Variants in HTR7 observed in about 807,000 individuals in gnomAD.
The protein encoded by HTR7 is 5-HT-7.
A neutral mutation model predicts 34.0 loss-of-function variants in HTR7; 16 were observed. The ratio of observed to expected loss-of-function variants is 0.47; its 90% confidence interval spans 0.32 to 0.71. The LOEUF (loss-of-function observed/expected upper bound fraction) is 0.71, where lower values mean the gene tolerates loss of function less well. HTR7 is among the 30% of genes least tolerant of loss of function. The pLI is 0.04. For synonymous variants in HTR7, 265 were observed against 260.2 expected (o/e 1.02, Z -0.18); for missense variants, 504 against 625.5 (o/e 0.81, Z 2.07).
At chr10:90,792,774 T>C (rs755743784) in intron 1 of HTR7, among the ~76,000 whole-genome samples, 1 of 152,142 alleles carries the variant, frequency 6.6e-6, no homozygotes, top group African/African-American at 2.4e-5. Flanking sequence ...AAAATGGATT[T>C]ATCAGAACTT....
chr10:90,808,565 T>C (rs556501675), intron 1 of HTR7, among the ~76,000 whole-genome samples: 1 of 151,362 alleles, frequency 6.6e-6, no homozygotes, highest in Non-Finnish European at 1.5e-5. Flanking sequence ...CTCTGCGCCC[T>C]GATCCCTTAT....
intron 1 of HTR7, among the ~76,000 whole-genome samples, chr10:90,773,531 C>A (rs2119821806): frequency 6.6e-6 from 1 of 152,266 alleles, no homozygotes; most frequent in East Asian, 1.9e-4. Flanking sequence ...TATACTCACC[C>A]TGTTGTACTA....
intron 1 of HTR7, among the ~76,000 whole-genome samples, chr10:90,803,497 C>A (rs1005544391): frequency 2.0e-5 from 3 of 152,180 alleles, no homozygotes; most frequent in African/African-American, 7.2e-5. Flanking sequence ...CCATTTGATG[C>A]ACAAGGTTGA....
chr10:90,777,701 G>A (rs1845241045), intron 1 of HTR7, among the ~76,000 whole-genome samples: 1 of 152,166 alleles, frequency 6.6e-6, no homozygotes, highest in Non-Finnish European at 1.5e-5. Flanking sequence ...AGGCTGGGAG[G>A]CAACTATCTC....
chr10:90,799,216 C>G (rs1213929980), intron 1 of HTR7, among the ~76,000 whole-genome samples: 1 of 152,142 alleles, frequency 6.6e-6, no homozygotes, highest in Non-Finnish European at 1.5e-5. Context: ...AATCAGACCT[C>G]CTTTGACTCA....
intron 1 of HTR7, among the ~76,000 whole-genome samples, chr10:90,825,930 G>T (rs1012714376): frequency 6.6e-6 from 1 of 152,130 alleles, no homozygotes; most frequent in African/African-American, 2.4e-5. Context: ...GAGAGATAGG[G>T]ATTGAAAGTT....
At chr10:90,850,686 A>G (rs1362286633) in intron 1 of HTR7, among the ~76,000 whole-genome samples, 3 of 152,238 alleles carry the variant, frequency 2.0e-5, no homozygotes, top group Non-Finnish European at 2.9e-5. Flanking sequence ...AAAAATCAGA[A>G]TCAGTTTAAA....
At chr10:90,802,788 T>C (rs973787730) in intron 1 of HTR7, among the ~76,000 whole-genome samples, 2 of 152,196 alleles carry the variant, frequency 1.3e-5, no homozygotes, top group Non-Finnish European at 2.9e-5. Flanking sequence ...TTCATGATCA[T>C]GGAATCAGTC....
chr10:90,762,120 A>G (rs983955214), intron 1 of HTR7, among the ~76,000 whole-genome samples: 1 of 152,160 alleles, frequency 6.6e-6, no homozygotes, highest in African/African-American at 2.4e-5. Flanking sequence ...TCAACATACT[A>G]GCTTCATTTC....
At chr10:90,849,564 C>T (rs1441970993) in intron 1 of HTR7, among the ~76,000 whole-genome samples, 1 of 152,150 alleles carries the variant, frequency 6.6e-6, no homozygotes, top group African/African-American at 2.4e-5. Context: ...AGACAGAATG[C>T]AGTTCAAGAT....
intron 1 of HTR7, among the ~76,000 whole-genome samples, chr10:90,820,719 A>G (rs1280326576): frequency 6.6e-6 from 1 of 152,206 alleles, no homozygotes; most frequent in African/African-American, 2.4e-5. Context: ...TCCTTGGCTT[A>G]TGATGGGCTT....
At chr10:90,820,306 AGTT>A (rs1239764949) in intron 1 of HTR7, among the ~76,000 whole-genome samples, 1 of 152,116 alleles carries the variant, frequency 6.6e-6, no homozygotes, top group Non-Finnish European at 1.5e-5. Flanking sequence ...CTTTTTATTT[AGTT>A]GTTGTTGGCA....
intron 1 of HTR7, among the ~76,000 whole-genome samples, chr10:90,852,185 T>C (rs1589483615): frequency 1.4e-5 from 2 of 146,554 alleles, no homozygotes; most frequent in Middle Eastern, 7.1e-3. Context: ...ATAGCGAGAC[T>C]GTCTCTTTAT....
intron 1 of HTR7, among the ~76,000 whole-genome samples, chr10:90,772,695 TG>T (rs1398894207): frequency 6.6e-6 from 1 of 152,206 alleles, no homozygotes; most frequent in Non-Finnish European, 1.5e-5. Flanking sequence ...TAATGAAACA[TG>T]GTATATATTT....
chr10:90,756,283 T>A (rs1022257599), intron 1 of HTR7, among the ~76,000 whole-genome samples: 1 of 152,252 alleles, frequency 6.6e-6, no homozygotes, highest in Non-Finnish European at 1.5e-5. Flanking sequence ...TACATAGGTA[T>A]GCTCACCTTG....
chr10:90,741,209 T>C lies in HTR7; in HGVS notation c.*1273A>G, dbSNP rs955370378. ...ATCAAATAAAGAATTGCATTCATTT[T>C]TCCCCTTGTAGGTACAGGTACTCTT... On this transcript the variant is annotated 3_prime_UTR_variant, in exon 4 of 4. Coordinates refer to ENST00000336152, the MANE Select transcript of HTR7 (RefSeq NM_019859.4). 9 of 152,618 alleles carry C rather than the reference T, an allele frequency of 5.9e-5. No individual in the cohort carries two copies. Among genetic ancestry groups the C allele is most frequent in the Non-Finnish European group, 1.2e-4 (8 of 68,028 alleles). 9.5% of individuals were successfully genotyped at this position (152,618 alleles called of 1,614,324 possible).
chr10:90,809,092 T>C (rs2119957497), intron 1 of HTR7, among the ~76,000 whole-genome samples: 1 of 152,216 alleles, frequency 6.6e-6, no homozygotes, highest in African/African-American at 2.4e-5. Flanking sequence ...TCTACAGATC[T>C]ATCTGACCTC....
intron 1 of HTR7, among the ~76,000 whole-genome samples, chr10:90,768,603 T>C (rs1418335068): frequency 2.0e-5 from 3 of 152,242 alleles, no homozygotes; most frequent in Non-Finnish European, 2.9e-5. Context: ...CTTTTTTCAC[T>C]TAATATATCC....
At chr10:90,754,402 GA>G (rs993615855) in intron 1 of HTR7, among the ~76,000 whole-genome samples, 113 of 146,306 alleles carry the variant, frequency 7.7e-4, no homozygotes, top group Middle Eastern at 3.5e-3. Flanking sequence ...AAGAAAAAAA[GA>G]AAAAAAAAAC....
Sources: gnomAD v4.1 joint callset for allele counts (sites outside exome capture counted in the v4.1 genomes callset) on GRCh38, gnomAD v4.1.1 for gene constraint, MANE v1.5 for transcripts, NCBI Gene and HGNC (gene_info 2026-07-23, HGNC 2026-07-21) for gene names.